Variants in STPG2 observed in about 807,000 individuals in gnomAD.
The protein encoded by STPG2 is sperm-tail PG-rich repeat-containing protein 2.
A neutral mutation model predicts 54.2 loss-of-function variants in STPG2; 56 were observed. The ratio of observed to expected loss-of-function variants is 1.03; its 90% CI spans 0.83 to 1.29. The LOEUF is 1.29. Ranked by LOEUF, STPG2 falls within the 50% of genes most tolerant of loss-of-function variation. The pLI is 0.00. For synonymous variants in STPG2, 200 were observed against 181.8 expected, an observed-to-expected ratio of 1.10 and a Z score of -0.81; for missense variants, 596 against 544.9, an observed-to-expected ratio of 1.09 and a Z score of -0.93.
intron 4 of STPG2, among the ~76,000 whole-genome samples, chr4:97,505,173 T>C (rs1190657164): frequency 6.6e-6 from 1 of 151,994 alleles, no homozygotes; most frequent in Admixed American, 6.6e-5. Flanking sequence ...CTAAGATATG[T>C]GAAGGAGCTA....
chr4:97,929,903 TTTG>T, intron 8 of STPG2, among the ~76,000 whole-genome samples: 1 of 152,114 alleles, frequency 6.6e-6, no homozygotes, highest in East Asian at 1.9e-4. Context: ...AGTTTTTTTG[TTTG>T]TTTGTTTGTT....
chr4:97,636,198 C>T (rs1176705812), intron 10 of STPG2, among the ~76,000 whole-genome samples: 3 of 142,380 alleles, frequency 2.1e-5, no homozygotes, highest in East Asian at 2.1e-4. Flanking sequence ...CACTCAAAAC[C>T]GCTCAACTAC....
At chr4:97,906,387 CA>C (rs1215879946) in intron 8 of STPG2, among the ~76,000 whole-genome samples, 5 of 152,084 alleles carry the variant, frequency 3.3e-5, no homozygotes, top group Non-Finnish European at 5.9e-5. Context: ...GCTTACCAAC[CA>C]AAAAGAGTCC....
intron 10 of STPG2, among the ~76,000 whole-genome samples, chr4:97,563,860 G>A (rs891720828): frequency 6.6e-6 from 1 of 152,002 alleles, no homozygotes; most frequent in African/African-American, 2.4e-5. Context: ...TACTTCTAAT[G>A]ATGTGGTCAA....
intron 9 of STPG2, among the ~76,000 whole-genome samples, chr4:97,715,409 A>G (rs772952907): frequency 6.6e-6 from 1 of 152,146 alleles, no homozygotes; most frequent in East Asian, 1.9e-4. Context: ...TTATAATTGC[A>G]TATTTTCCAG....
chr4:97,747,393 A>G (rs897334528), intron 9 of STPG2, among the ~76,000 whole-genome samples: 1 of 151,334 alleles, frequency 6.6e-6, no homozygotes, highest in African/African-American at 2.4e-5. Flanking sequence ...ACTCCTATCT[A>G]CTCTCAACGA....
At chr4:97,742,570 T>C (rs1361776695) in intron 9 of STPG2, among the ~76,000 whole-genome samples, 7 of 147,290 alleles carry the variant, frequency 4.8e-5, no homozygotes, top group Admixed American at 2.0e-4. Flanking sequence ...TGTGTGTCTA[T>C]ATATATATGG....
chr4:98,077,256 T>TTGC (rs1378202772), intron 5 of STPG2, among the ~76,000 whole-genome samples: 3 of 151,848 alleles, frequency 2.0e-5, no homozygotes, highest in Non-Finnish European at 4.4e-5. Flanking sequence ...GTTGTTGTTG[T>TTGC]TGTTGGAGAC....
chr4:97,779,807 T>G (rs980289694), intron 9 of STPG2, among the ~76,000 whole-genome samples: 5 of 152,080 alleles, frequency 3.3e-5, no homozygotes, highest in African/African-American at 1.2e-4. Flanking sequence ...ATTTTCAACC[T>G]AGAAATTCAT....
At chr4:97,780,600 T>C (rs1726566262) in intron 9 of STPG2, among the ~76,000 whole-genome samples, 1 of 124,346 alleles carries the variant, frequency 8.0e-6, no homozygotes, top group African/African-American at 3.2e-5. Context: ...ATCTGCAGAA[T>C]GCTCCACCCC....
At chr4:98,140,121 A>G (rs1396029353) in intron 1 of STPG2, among the ~76,000 whole-genome samples, 1 of 152,216 alleles carries the variant, frequency 6.6e-6, no homozygotes, top group African/African-American at 2.4e-5. Flanking sequence ...CAAAGAATAA[A>G]TACAAATTAG....
At chr4:98,130,935 A>AAAG (rs1739974201) in intron 2 of STPG2, among the ~76,000 whole-genome samples, 1 of 146,238 alleles carries the variant, frequency 6.8e-6, no homozygotes, top group Admixed American at 6.8e-5. Context: ...AAAAAAAAAA[A>AAAG]AAAACAAAAA....
intron 8 of STPG2, among the ~76,000 whole-genome samples, chr4:97,863,826 A>G (rs1327564519): frequency 2.0e-5 from 3 of 152,216 alleles, no homozygotes; most frequent in Non-Finnish European, 2.9e-5. Context: ...TCCAGCATAT[A>G]TAAACAGAAC....
At chr4:97,863,223 G>C (rs2149143662) in intron 8 of STPG2, among the ~76,000 whole-genome samples, 1 of 152,168 alleles carries the variant, frequency 6.6e-6, no homozygotes, top group Admixed American at 6.5e-5. Flanking sequence ...GAAGAAAAGA[G>C]AGAAGAATCA....
intron 8 of STPG2, among the ~76,000 whole-genome samples, chr4:97,929,433 A>C (rs993988634): frequency 6.6e-6 from 1 of 152,044 alleles, no homozygotes; most frequent in Non-Finnish European, 1.5e-5. Flanking sequence ...CTGTTTTTAG[A>C]TCTTTGGGGA....
intron 4 of STPG2, among the ~76,000 whole-genome samples, chr4:97,543,354 A>G (rs1051181543): frequency 1.3e-5 from 2 of 151,872 alleles, no homozygotes; most frequent in African/African-American, 4.8e-5. Context: ...ATGAAAAGAG[A>G]AAGCCACATA....
chr4:97,452,445 A>G (rs1729401828), intron 4 of STPG2, among the ~76,000 whole-genome samples: 1 of 152,020 alleles, frequency 6.6e-6, no homozygotes, highest in African/African-American at 2.4e-5. Context: ...CAGTCCTACA[A>G]ACTAGAGTGG....
chr4:97,975,382 A>T (rs1220495025), intron 6 of STPG2, among the ~76,000 whole-genome samples: 1 of 152,166 alleles, frequency 6.6e-6, no homozygotes, highest in Non-Finnish European at 1.5e-5. Context: ...CAAAAAAATT[A>T]ATATATCCTA....
At chr4:97,769,330 C>T (rs975603966) in intron 9 of STPG2, among the ~76,000 whole-genome samples, 3 of 152,102 alleles carry the variant, frequency 2.0e-5, no homozygotes, top group Admixed American at 6.6e-5. Context: ...CAGCAATGGG[C>T]GGCTTCAATC....
Sources: allele counts gnomAD v4.1 joint callset (sites outside exome capture counted in the v4.1 genomes callset), GRCh38; gene constraint gnomAD v4.1.1; transcripts MANE v1.5; gene names NCBI Gene and HGNC (gene_info 2026-07-23, HGNC 2026-07-21).